The following CACNA2D3 variants were observed in gnomAD, a reference collection of about 807,000 sequenced individuals.
CACNA2D3 encodes calcium voltage-gated channel auxiliary subunit alpha2delta 3.
In CACNA2D3, 60 loss-of-function variants were observed where a neutral mutation model predicts 160.6. That is an observed-to-expected ratio of 0.37 (90% confidence interval 0.30 to 0.46). The LOEUF is 0.46. CACNA2D3 is among the 20% of genes least tolerant of loss of function. The pLI is 1.00. For missense variants in CACNA2D3, 1,205 were observed against 1,365.0 expected (o/e 0.88, Z 1.85); for synonymous variants, 558 against 492.9 (o/e 1.13, Z -1.75).
At chr3:54,162,772 T>C (rs1351364559) in intron 2 of CACNA2D3, among the ~76,000 whole-genome samples, 2 of 152,106 alleles carry the variant, frequency 1.3e-5, no homozygotes, top group Non-Finnish European at 2.9e-5. Context: ...TGAGCACCTG[T>C]AATGTGCCAG....
In CACNA2D3 at chr3:54,812,557, G is replaced by A. The variant is rs1317540431; in HGVS notation, c.1381-4296G>A. ...TGATACACCACATATTGAAAACCAT[G>A]GTGGCTGGGTTCTCTGTCCTCCATC... is the stretch of plus-strand genomic sequence containing the variant. On this transcript the variant is annotated intron_variant, in intron 13 of 37. Coordinates refer to ENST00000474759, the MANE Select transcript of CACNA2D3 (RefSeq NM_018398.3). Among the ~76,000 whole-genome samples, 4 of 152,162 alleles carry A rather than the reference G, an allele frequency of 2.6e-5. No homozygotes were observed. In the East Asian group the frequency reaches 7.7e-4, roughly 29 times the overall value.
At chr3:54,168,169 T>G (rs1700494494) in intron 2 of CACNA2D3, among the ~76,000 whole-genome samples, 1 of 152,166 alleles carries the variant, frequency 6.6e-6, no homozygotes, top group African/African-American at 2.4e-5. Flanking sequence ...AAAGAAGAGA[T>G]CTTGAGAAGA....
At chr3:54,235,180 A>G (rs918033908) in intron 2 of CACNA2D3, among the ~76,000 whole-genome samples, 3 of 152,194 alleles carry the variant, frequency 2.0e-5, no homozygotes, top group Non-Finnish European at 2.9e-5. Flanking sequence ...CAGCAAACCA[A>G]GCAAACACAA....
chr3:54,300,799 G>C (rs1703459473), intron 2 of CACNA2D3, among the ~76,000 whole-genome samples: 1 of 152,142 alleles, frequency 6.6e-6, no homozygotes, highest in African/African-American at 2.4e-5. Context: ...AGGATCACTT[G>C]AGGCCACACG....
At chr3:54,298,612 A>G (rs1703394204) in intron 2 of CACNA2D3, among the ~76,000 whole-genome samples, 1 of 152,198 alleles carries the variant, frequency 6.6e-6, no homozygotes, top group Non-Finnish European at 1.5e-5. Context: ...CAACCTGGGT[A>G]ACATGGCAAA....
At chr3:55,039,240 C>T (rs560010294) in intron 35 of CACNA2D3, among the ~76,000 whole-genome samples, 1 of 152,222 alleles carries the variant, frequency 6.6e-6, no homozygotes, top group African/African-American at 2.4e-5. Context: ...TTATGATGTT[C>T]ATCTTCAGAA....
At chr3:54,863,041 T>C (rs4955900) in intron 17 of CACNA2D3, among the ~76,000 whole-genome samples, 55,914 of 151,694 alleles carry the variant, frequency 0.37, 10,811 homozygotes, top group Admixed American at 0.53. Flanking sequence ...CTGCCAAATG[T>C]CACAGACATA....
At chr3:54,563,227 A>G (rs1702355337) in intron 6 of CACNA2D3, among the ~76,000 whole-genome samples, 1 of 152,158 alleles carries the variant, frequency 6.6e-6, no homozygotes, top group Non-Finnish European at 1.5e-5. Context: ...TACCTTATTT[A>G]ATACTTCTGA....
chr3:54,440,325 T>C (rs1176017824), intron 4 of CACNA2D3, among the ~76,000 whole-genome samples: 1 of 152,096 alleles, frequency 6.6e-6, no homozygotes, highest in African/African-American at 2.4e-5. Context: ...AAACCCACCC[T>C]CTGGAGGAAG....
chr3:54,866,295 G>C (rs546865699), intron 17 of CACNA2D3, among the ~76,000 whole-genome samples: 121 of 152,326 alleles, frequency 7.9e-4, no homozygotes, highest in Non-Finnish European at 1.4e-3. Flanking sequence ...GCATATGGAG[G>C]AGTAAGGCGT....
At chr3:54,647,412 G>T (rs1699672406) in intron 11 of CACNA2D3, among the ~76,000 whole-genome samples, 1 of 152,276 alleles carries the variant, frequency 6.6e-6, no homozygotes, top group Middle Eastern at 3.4e-3. Flanking sequence ...TGATTCTATG[G>T]GTTAACTAGG....
At chr3:55,010,476 C>T (rs982216178) in intron 34 of CACNA2D3, among the ~76,000 whole-genome samples, 3 of 152,146 alleles carry the variant, frequency 2.0e-5, no homozygotes, top group Non-Finnish European at 4.4e-5. Flanking sequence ...ATGATGATCG[C>T]CTCCAAATCC....
chr3:54,894,336 A>G (rs776351791), intron 25 of CACNA2D3, among the ~76,000 whole-genome samples: 2 of 152,156 alleles, frequency 1.3e-5, no homozygotes, highest in South Asian at 2.1e-4. Flanking sequence ...ACCAGGGCTA[A>G]TGGGGATCAA....
At chr3:54,969,744 A>T in intron 28 of CACNA2D3, 56 bp from the exon 29 acceptor site, 2 of 1,505,198 alleles carry the variant, frequency 1.3e-6, no homozygotes, top group Non-Finnish European at 1.8e-6. Context: ...CACAGCAGGC[A>T]CTGGGATGCC....
chr3:54,832,017 A>ACAG lies in CACNA2D3; in HGVS notation c.1399-5140_1399-5139insGCA, dbSNP rs1703890609. Among the ~76,000 whole-genome samples the ACAG allele has an allele frequency of 1.8e-3, 221 of 126,178 alleles. 3 individuals carry two copies. The highest frequency in any genetic ancestry group is 6.3e-3 in the African/African-American group (213 of 33,814). The allele number at this position is 126,178 out of a possible 152,430, so 82.8% of individuals were successfully genotyped here. The stretch of plus-strand genomic sequence containing the variant: ...TTTATCTCTCTCTTCTCTGTCACAC[A>ACAG]CACACACACACACACACACACACAC... On this transcript the variant is annotated intron_variant, in intron 14 of 37. Transcript: ENST00000474759.
At chr3:54,826,205 A>T (rs1703746681) in intron 14 of CACNA2D3, among the ~76,000 whole-genome samples, 1 of 152,114 alleles carries the variant, frequency 6.6e-6, no homozygotes, top group Admixed American at 6.5e-5. Flanking sequence ...CACATCCCCA[A>T]TTAATGGATA....
chr3:54,265,530 A>ATGTG (rs59375998), intron 2 of CACNA2D3, among the ~76,000 whole-genome samples: 5,265 of 134,880 alleles, frequency 0.039, 333 homozygotes, highest in African/African-American at 0.13. Flanking sequence ...AACTTAAAGT[A>ATGTG]TGTGTGTGTG....
intron 2 of CACNA2D3, among the ~76,000 whole-genome samples, chr3:54,245,421 A>G (rs551860352): frequency 1.3e-5 from 2 of 152,162 alleles, no homozygotes; most frequent in South Asian, 4.2e-4. Flanking sequence ...GCTTTTGCTG[A>G]ACAGAGAAAA....
At chr3:54,426,142 G>A (rs868767649) in intron 4 of CACNA2D3, among the ~76,000 whole-genome samples, 4 of 152,286 alleles carry the variant, frequency 2.6e-5, no homozygotes, top group African/African-American at 4.8e-5. Flanking sequence ...AAGAGAAGAG[G>A]GGAGGGGCCC....
Sources: gnomAD v4.1 joint callset for allele counts (sites outside exome capture counted in the v4.1 genomes callset) on GRCh38, gnomAD v4.1.1 for gene constraint, MANE v1.5 for transcripts, NCBI Gene and HGNC (gene_info 2026-07-23, HGNC 2026-07-21) for gene names.